The following SOX6 variants were observed in gnomAD, a reference collection of about 807,000 sequenced individuals.
SOX6 encodes the protein SRY-box transcription factor 6.
A neutral mutation model predicts 97.8 loss-of-function variants in SOX6; 11 were observed. The observed-to-expected ratio is 0.11, with a 90% CI of 0.07 to 0.19. The LOEUF (loss-of-function observed/expected upper bound fraction) is 0.19. Among genes scored for constraint, SOX6 ranks in the 10% least tolerant of loss-of-function variants. The pLI is 1.00. For missense variants in SOX6, 810 were observed against 1,039.5 expected, an observed-to-expected ratio of 0.78 and a Z score of 3.04; for synonymous variants, 360 against 371.4, an observed-to-expected ratio of 0.97 and a Z score of 0.35.
intron 4 of SOX6, among the ~76,000 whole-genome samples, chr11:16,602,705 G>T (rs993261492): frequency 3.3e-5 from 5 of 152,112 alleles, no homozygotes; most frequent in Non-Finnish European, 7.4e-5. Flanking sequence ...CACCAAGAAA[G>T]GTGCACTCTT....
chr11:16,363,367 C>G (rs1565113771), intron 1 of SOX6, among the ~76,000 whole-genome samples: 1 of 152,088 alleles, frequency 6.6e-6, no homozygotes, highest in Non-Finnish European at 1.5e-5. Context: ...GGTCAAAAGA[C>G]ATGCTCATTG....
intron 3 of SOX6, 58 bp downstream of exon 3, chr11:16,318,388 A>C: frequency 4.5e-6 from 6 of 1,347,028 alleles, no homozygotes; most frequent in South Asian, 1.3e-5. Context: ...TTTTTTTTTT[A>C]AGGCCTGGAA....
At chr11:16,256,060 T>C (rs970423110) in intron 3 of SOX6, among the ~76,000 whole-genome samples, 2 of 151,978 alleles carry the variant, frequency 1.3e-5, no homozygotes, top group Non-Finnish European at 2.9e-5. Context: ...AAGTCCTTTA[T>C]ATATTAAAGA....
chr11:16,176,127 G>A (rs1851180578), intron 6 of SOX6, among the ~76,000 whole-genome samples: 1 of 151,764 alleles, frequency 6.6e-6, no homozygotes, highest in Admixed American at 6.6e-5. Context: ...GAGAGAGAGA[G>A]AGAGAGAGAT....
chr11:16,451,083 T>G (rs921868245), intron 1 of SOX6, among the ~76,000 whole-genome samples: 1 of 151,816 alleles, frequency 6.6e-6, no homozygotes, highest in Non-Finnish European at 1.5e-5. Context: ...AATAAAAAAA[T>G]TAGCCAGGTA....
intron 1 of SOX6, among the ~76,000 whole-genome samples, chr11:16,427,115 T>A (rs979399392): frequency 1.3e-5 from 2 of 151,742 alleles, no homozygotes; most frequent in African/African-American, 4.8e-5. Flanking sequence ...AAAGCAAAAA[T>A]TGACAAATGG....
chr11:16,406,942 C>G (rs1320114006), intron 1 of SOX6, among the ~76,000 whole-genome samples: 1 of 152,090 alleles, frequency 6.6e-6, no homozygotes, highest in East Asian at 1.9e-4. Flanking sequence ...CACCTTATCT[C>G]CATTGACTTC....
intron 3 of SOX6, among the ~76,000 whole-genome samples, chr11:16,288,159 T>A (rs944270486): frequency 6.6e-6 from 1 of 151,984 alleles, no homozygotes; most frequent in African/African-American, 2.4e-5. Context: ...TTCTCAAGGG[T>A]CCAGTATTCC....
In SOX6 at chr11:16,059,373, T is replaced by A. The variant is rs370282962; in HGVS notation, c.1102-3472A>T. ...CACTACCTTGATGGTCACATTTCTA[T>A]CATAATAAATAGAAAGCTTCCTAGA... On this transcript the variant is annotated intron_variant, in intron 9 of 15. Transcript: ENST00000683767. Among the ~76,000 whole-genome samples the A allele has an allele frequency of 2.0e-5, 3 of 152,110 alleles. No individual in the cohort carries two copies. The East Asian group carries it at 5.8e-4, about 29-fold the overall frequency.
intron 2 of SOX6, among the ~76,000 whole-genome samples, chr11:16,717,620 T>A (rs888911666): frequency 6.6e-6 from 1 of 152,230 alleles, no homozygotes; most frequent in Non-Finnish European, 1.5e-5. Context: ...AAAACAGATA[T>A]AGAACATTTG....
intron 3 of SOX6, among the ~76,000 whole-genome samples, chr11:16,291,355 T>TAATG (rs1451024638): frequency 8.3e-6 from 1 of 121,036 alleles, no homozygotes; most frequent in African/African-American, 3.0e-5. Flanking sequence ...CTGCTCAATA[T>TAATG]AATGAATGAA....
chr11:16,271,016 T>C (rs978255142), intron 3 of SOX6, among the ~76,000 whole-genome samples: 1 of 151,390 alleles, frequency 6.6e-6, no homozygotes, highest in Non-Finnish European at 1.5e-5. Context: ...AACTGTAACT[T>C]TTATGTTATA....
At chr11:16,296,603 T>C (rs1341079440) in intron 3 of SOX6, among the ~76,000 whole-genome samples, 1 of 152,118 alleles carries the variant, frequency 6.6e-6, no homozygotes, top group African/African-American at 2.4e-5. Flanking sequence ...CCATGGTATG[T>C]TTTGGTGAAA....
At chr11:16,057,636 C>T (rs994485137) in intron 9 of SOX6, among the ~76,000 whole-genome samples, 17 of 152,042 alleles carry the variant, frequency 1.1e-4, no homozygotes, top group African/African-American at 4.1e-4. Flanking sequence ...CCTTGTTTCC[C>T]GAGTATCATG....
At chr11:16,298,213 A>G (rs1478365670) in intron 3 of SOX6, among the ~76,000 whole-genome samples, 1 of 152,200 alleles carries the variant, frequency 6.6e-6, no homozygotes, top group Non-Finnish European at 1.5e-5. Context: ...AATATTAGTC[A>G]TAGAAATTAT....
chr11:15,994,619 T>C (rs1008530400), intron 13 of SOX6, among the ~76,000 whole-genome samples: 2 of 151,992 alleles, frequency 1.3e-5, no homozygotes, highest in African/African-American at 4.8e-5. Context: ...TACCACTGAA[T>C]AGTCTCAATG....
chr11:16,132,413 G>A lies in SOX6; in HGVS notation c.778-20490C>T, dbSNP rs1225622684. ...AAGAAAGAAAGAAAAAAGAAAGAAA[G>A]AAAGAAAGAAAGAAAGAAAGAAAGA... is the stretch of plus-strand genomic sequence containing the variant. On this transcript the variant is annotated intron_variant, in intron 6 of 15. Transcript: ENST00000683767. 3.1e-3 allele frequency among the ~76,000 whole-genome samples: 285 copies of A among 90,564 alleles called. 23 individuals carry two copies. The highest frequency in any genetic ancestry group is 0.014 in the African/African-American group (259 of 19,180). 59.4% of individuals were successfully genotyped at this position (90,564 alleles called of 152,430 possible).
intron 1 of SOX6, among the ~76,000 whole-genome samples, chr11:16,439,693 C>T (rs1450362283): frequency 1.3e-5 from 2 of 152,186 alleles, no homozygotes; most frequent in African/African-American, 4.8e-5. Context: ...TATTCACAAA[C>T]TGTCTTTTCA....
At chr11:16,026,317 C>A (rs1454963541) in intron 12 of SOX6, among the ~76,000 whole-genome samples, 2 of 152,020 alleles carry the variant, frequency 1.3e-5, no homozygotes, top group Non-Finnish European at 2.9e-5. Flanking sequence ...TTCAAACAAG[C>A]CTACCAAAGC....
Sources: allele counts gnomAD v4.1 joint callset (sites outside exome capture counted in the v4.1 genomes callset), GRCh38; gene constraint gnomAD v4.1.1; transcripts MANE v1.5; gene names NCBI Gene and HGNC (gene_info 2026-07-23, HGNC 2026-07-21).